CSMD1: variants seen among roughly 807,000 people sequenced by gnomAD.
The protein encoded by CSMD1 is CUB and sushi domain-containing protein 1.
A neutral mutation model predicts 417.5 loss-of-function variants in CSMD1; 213 were observed. That is an observed-to-expected ratio of 0.51 (90% confidence interval 0.46 to 0.57). The LOEUF is 0.57. Ranked by LOEUF, CSMD1 falls within the 20% of genes least tolerant of loss-of-function variation. The probability of loss-of-function intolerance (pLI) is 0.00; values close to 1 mark genes in which losing one functional copy is unlikely to be tolerated. For synonymous variants in CSMD1, 2,862 were observed against 1,736.8 expected (o/e 1.65, Z -16.11); for missense variants, 6,923 against 4,529.7 (o/e 1.53, Z -15.17).
At chr8:4,566,173 G>C (rs923326154) in intron 2 of CSMD1, among the ~76,000 whole-genome samples, 1 of 152,104 alleles carries the variant, frequency 6.6e-6, no homozygotes, top group Non-Finnish European at 1.5e-5. Context: ...ACTGAATGAT[G>C]AGATTGATCC....
chr8:4,675,542 G>T (rs748696175), intron 1 of CSMD1, among the ~76,000 whole-genome samples: 6 of 152,138 alleles, frequency 3.9e-5, no homozygotes, highest in Non-Finnish European at 8.8e-5. Context: ...TCTGAGAATG[G>T]TTTGATATTT....
At chr8:3,701,834 G>C (rs1186457655) in intron 7 of CSMD1, among the ~76,000 whole-genome samples, 1 of 152,062 alleles carries the variant, frequency 6.6e-6, no homozygotes, top group African/African-American at 2.4e-5. Flanking sequence ...TCCAAATTAT[G>C]CCTGAGCCAC....
intron 11 of CSMD1, among the ~76,000 whole-genome samples, chr8:3,475,874 G>T (rs139577142): frequency 3.3e-5 from 5 of 152,316 alleles, no homozygotes; most frequent in Admixed American, 6.5e-5. Context: ...TCTTTCCAAT[G>T]CAAATGTGTC....
intron 2 of CSMD1, among the ~76,000 whole-genome samples, chr8:4,529,195 C>G (rs1421499261): frequency 6.6e-6 from 1 of 152,092 alleles, no homozygotes; most frequent in African/African-American, 2.4e-5. Context: ...GCCATGAGGT[C>G]AAAACTCTTA....
chr8:3,616,366 G>C (rs1468526053), intron 8 of CSMD1, among the ~76,000 whole-genome samples: 1 of 152,134 alleles, frequency 6.6e-6, no homozygotes, highest in African/African-American at 2.4e-5. Context: ...ACCATATGAA[G>C]AAGGATGTGT....
At chr8:4,387,372 T>A (rs1002400071) in intron 3 of CSMD1, among the ~76,000 whole-genome samples, 2 of 152,044 alleles carry the variant, frequency 1.3e-5, no homozygotes, top group African/African-American at 4.8e-5. Flanking sequence ...AATTTCTTCT[T>A]ATGTGTTAAA....
intron 3 of CSMD1, among the ~76,000 whole-genome samples, chr8:4,382,536 G>C (rs1584988910): frequency 6.6e-6 from 1 of 152,116 alleles, no homozygotes. Flanking sequence ...TTGCAAAAAG[G>C]ATTATAAAAA....
intron 52 of CSMD1, among the ~76,000 whole-genome samples, chr8:3,010,873 AGCTGGGATTACTGGT>A (rs1808333383): frequency 6.6e-6 from 1 of 151,608 alleles, no homozygotes; most frequent in Admixed American, 6.6e-5. Context: ...CTTCCCAAGT[AGCTGGGATTACTGGT>A]GCCCACCATT....
At chr8:3,989,608 C>A (rs952035974) in intron 5 of CSMD1, among the ~76,000 whole-genome samples, 2 of 152,086 alleles carry the variant, frequency 1.3e-5, no homozygotes, top group Admixed American at 1.3e-4. Context: ...CAGGTGCCAT[C>A]TATTTTAAAT....
intron 1 of CSMD1, among the ~76,000 whole-genome samples, chr8:4,961,908 C>T (rs1017698622): frequency 6.6e-6 from 1 of 151,212 alleles, no homozygotes; most frequent in Non-Finnish European, 1.5e-5. Flanking sequence ...CCTTTTTTTT[C>T]CAATCTATTA....
chr8:4,694,537 G>C (rs973736989), intron 1 of CSMD1, among the ~76,000 whole-genome samples: 4 of 151,600 alleles, frequency 2.6e-5, no homozygotes, highest in Non-Finnish European at 5.9e-5. Context: ...TTTTGGGGGG[G>C]TATTTTTAGT....
chr8:3,928,494 A>AGAAGAAACAAGATTTAGAGTACGTGTT, intron 5 of CSMD1, among the ~76,000 whole-genome samples: 1 of 151,616 alleles, frequency 6.6e-6, no homozygotes, highest in African/African-American at 2.4e-5. Context: ...AGTTAAGTGG[A>AGAAGAAACAAGATTTAGAGTACGTGTT]ACAGGGGGCA....
intron 3 of CSMD1, among the ~76,000 whole-genome samples, chr8:4,196,869 A>G (rs1237386029): frequency 1.3e-5 from 2 of 152,314 alleles, no homozygotes; most frequent in Middle Eastern, 3.4e-3. Flanking sequence ...TAGAAAACAT[A>G]TAGTGAAAGT....
chr8:3,521,446 C>T (rs1336187757), intron 10 of CSMD1, among the ~76,000 whole-genome samples: 2 of 152,200 alleles, frequency 1.3e-5, no homozygotes, highest in African/African-American at 2.4e-5. Flanking sequence ...AGGAAGCTCA[C>T]TGGCCTTGAA....
intron 5 of CSMD1, among the ~76,000 whole-genome samples, chr8:3,973,255 T>A (rs1040421477): frequency 6.6e-6 from 1 of 152,178 alleles, no homozygotes; most frequent in South Asian, 2.1e-4. Flanking sequence ...GAGTGAGAGC[T>A]ATGGCTTGGT....
chr8:4,587,742 G>C (rs1271688959), intron 2 of CSMD1, among the ~76,000 whole-genome samples: 2 of 152,146 alleles, frequency 1.3e-5, no homozygotes, highest in Admixed American at 6.5e-5. Context: ...TAAACATTAA[G>C]ACTTTGCATT....
chr8:3,396,742 A>G (rs1300451276), intron 16 of CSMD1, among the ~76,000 whole-genome samples: 1 of 152,192 alleles, frequency 6.6e-6, no homozygotes, highest in African/African-American at 2.4e-5. Flanking sequence ...AAAAAACTCA[A>G]TTATATATTT....
At chr8:3,731,956 T>C (rs78182213) in intron 6 of CSMD1, among the ~76,000 whole-genome samples, 1 of 152,140 alleles carries the variant, frequency 6.6e-6, no homozygotes, top group East Asian at 1.9e-4. Flanking sequence ...CTCCAAACCC[T>C]GGGCTCTCAC....
intron 10 of CSMD1, among the ~76,000 whole-genome samples, chr8:3,505,920 T>A (rs1007230973): frequency 6.6e-6 from 1 of 152,148 alleles, no homozygotes; most frequent in African/African-American, 2.4e-5. Flanking sequence ...TCTTTACAAA[T>A]ACACTAAAAA....
Sources: gnomAD v4.1 joint callset for allele counts (sites outside exome capture counted in the v4.1 genomes callset) on GRCh38, gnomAD v4.1.1 for gene constraint, MANE v1.5 for transcripts, NCBI Gene and HGNC (gene_info 2026-07-23, HGNC 2026-07-21) for gene names.